The following EEFSEC variants were observed in gnomAD, a reference collection of about 807,000 sequenced individuals.
EEFSEC encodes the protein eukaryotic elongation factor, selenocysteine-tRNA specific.
In EEFSEC, 43 loss-of-function variants were observed where a neutral mutation model predicts 42.1. The observed-to-expected ratio is 1.02, with a 90% CI of 0.80 to 1.32. The LOEUF is 1.32. EEFSEC is among the 40% of genes most tolerant of loss of function. The probability of loss-of-function intolerance (pLI) is 0.00; values close to 1 mark genes in which losing one functional copy is unlikely to be tolerated. For synonymous variants in EEFSEC, 354 were observed against 339.1 expected, an observed-to-expected ratio of 1.04 and a Z score of -0.48; for missense variants, 745 against 803.6, an observed-to-expected ratio of 0.93 and a Z score of 0.88.
intron 1 of EEFSEC, among the ~76,000 whole-genome samples, chr3:128,170,008 G>T (rs1470927282): frequency 6.6e-6 from 1 of 152,152 alleles, no homozygotes; most frequent in Non-Finnish European, 1.5e-5. Context: ...AACAAGTTTG[G>T]CATGGGACTT....
chr3:128,284,433 G>C (rs2066561746), intron 4 of EEFSEC, among the ~76,000 whole-genome samples: 1 of 151,746 alleles, frequency 6.6e-6, no homozygotes, highest in African/African-American at 2.4e-5. Flanking sequence ...GGCCTTGGGG[G>C]CCTGCCCAGT....
intron 4 of EEFSEC, among the ~76,000 whole-genome samples, chr3:128,299,867 A>C (rs1162014002): frequency 6.6e-6 from 1 of 152,236 alleles, no homozygotes; most frequent in Non-Finnish European, 1.5e-5. Flanking sequence ...GAAAAGGCAA[A>C]AATGTCAGGA....
intron 6 of EEFSEC, among the ~76,000 whole-genome samples, chr3:128,379,000 T>C (rs982777632): frequency 6.6e-6 from 1 of 152,020 alleles, no homozygotes; most frequent in African/African-American, 2.4e-5. Context: ...AGGTGAGGGG[T>C]GAAAGTTGAG....
At chr3:128,227,845 C>T (rs74680637) in intron 1 of EEFSEC, among the ~76,000 whole-genome samples, 2 of 152,328 alleles carry the variant, frequency 1.3e-5, no homozygotes, top group East Asian at 1.9e-4. Context: ...TTACTGGGGT[C>T]TTCTCCAAGT....
At chr3:128,327,755 G>C (rs2067081180) in intron 4 of EEFSEC, among the ~76,000 whole-genome samples, 1 of 152,166 alleles carries the variant, frequency 6.6e-6, no homozygotes, top group Admixed American at 6.5e-5. Flanking sequence ...AGGGCACCCG[G>C]AGCCCTGGCA....
intron 4 of EEFSEC, among the ~76,000 whole-genome samples, chr3:128,333,629 CTT>C (rs2108062139): frequency 1.3e-5 from 2 of 152,352 alleles, no homozygotes; most frequent in South Asian, 4.1e-4. Flanking sequence ...GTATCCAACT[CTT>C]TCTCCATCTT....
intron 4 of EEFSEC, among the ~76,000 whole-genome samples, chr3:128,328,121 A>G (rs1388126711): frequency 6.6e-6 from 1 of 152,140 alleles, no homozygotes; most frequent in Non-Finnish European, 1.5e-5. Flanking sequence ...CCCTTAGTCT[A>G]TTGGTGAGGA....
At chr3:128,379,177 G>A (rs1335232717) in intron 6 of EEFSEC, among the ~76,000 whole-genome samples, 2 of 152,202 alleles carry the variant, frequency 1.3e-5, no homozygotes, top group Non-Finnish European at 2.9e-5. Flanking sequence ...CCCAGTGCAG[G>A]AATGCCCTGA....
chr3:128,168,841 G>A (rs1176415441), intron 1 of EEFSEC, among the ~76,000 whole-genome samples: 1 of 152,208 alleles, frequency 6.6e-6, no homozygotes, highest in Non-Finnish European at 1.5e-5. Flanking sequence ...TTGTTCCGTG[G>A]CTTTCTTTGA....
chr3:128,360,543 C>T (rs545662925), intron 6 of EEFSEC, among the ~76,000 whole-genome samples: 1 of 152,334 alleles, frequency 6.6e-6, no homozygotes, highest in African/African-American at 2.4e-5. Flanking sequence ...CTCCCCTGAG[C>T]TCCCTTCCTG....
intron 6 of EEFSEC, among the ~76,000 whole-genome samples, chr3:128,378,806 G>A (rs779455346): frequency 2.0e-5 from 3 of 152,166 alleles, no homozygotes; most frequent in East Asian, 3.9e-4. Context: ...TCCCACTCCC[G>A]TCCCACAGGG....
At position 128,374,824 on chromosome 3, in the gene EEFSEC, C is replaced by A. The variant is rs79213946; in HGVS notation, c.1600+16451C>A. Among the ~76,000 whole-genome samples the A allele has an allele frequency of 9.2e-5, 14 of 152,300 alleles. No individual in the cohort carries two copies. In the East Asian group the frequency reaches 2.7e-3, roughly 29 times the overall value. On this transcript the variant is annotated intron_variant, in intron 6 of 6. Coordinates refer to ENST00000254730, the MANE Select transcript of EEFSEC (RefSeq NM_021937.5). Reference sequence around the variant, plus strand: ...AATTGCCATTTTGCAAATGAGGAAACAGAAGCACAGAGAGGTAAAGGAAAG... The same window carrying A: ...AATTGCCATTTTGCAAATGAGGAAAAAGAAGCACAGAGAGGTAAAGGAAAG...
rs199498726 is a variant in EEFSEC, at chr3:128,228,107, ACCT to A, written c.317-18727_317-18725del. ...AATTGAACAGGCCCGGTCATCTCTG[ACCT>A]CTCAGTGCTTTTCATTCACTTCATA... On this transcript the variant is annotated intron_variant, in intron 1 of 6. Coordinates refer to ENST00000254730, the MANE Select transcript of EEFSEC (RefSeq NM_021937.5). Among the ~76,000 whole-genome samples, 3,457 of 152,102 alleles carry A rather than the reference ACCT, an allele frequency of 0.023. 385 individuals are homozygous for A. In the East Asian group the frequency reaches 0.36, roughly 16 times the overall value.
intron 1 of EEFSEC, among the ~76,000 whole-genome samples, chr3:128,164,088 A>T (rs952152725): frequency 1.3e-5 from 2 of 152,152 alleles, no homozygotes; most frequent in Non-Finnish European, 2.9e-5. Flanking sequence ...TGCCTGGCCC[A>T]TGGAGACATT....
chr3:128,419,148 C>G, the EEFSEC span, among the ~76,000 whole-genome samples: 2 of 152,142 alleles, frequency 1.3e-5, no homozygotes, highest in Non-Finnish European at 2.9e-5. Context: ...CCAGCTGCCA[C>G]GTCTATTAAA....
chr3:128,378,894 A>G (rs1009141998), intron 6 of EEFSEC, among the ~76,000 whole-genome samples: 1 of 152,168 alleles, frequency 6.6e-6, no homozygotes, highest in Non-Finnish European at 1.5e-5. Context: ...TCCACAGGCA[A>G]TCCTGGGCAT....
intron 6 of EEFSEC, among the ~76,000 whole-genome samples, chr3:128,398,206 C>T (rs2068005822): frequency 6.6e-6 from 1 of 152,150 alleles, no homozygotes; most frequent in Admixed American, 6.5e-5. Context: ...TGTGGGGGGC[C>T]TTGGCCCTAG....
intron 4 of EEFSEC, among the ~76,000 whole-genome samples, chr3:128,273,180 G>C (rs1331420097): frequency 6.6e-6 from 1 of 152,188 alleles, no homozygotes; most frequent in Non-Finnish European, 1.5e-5. Context: ...GGTGGTCTGA[G>C]CTCTGCATTT....
chr3:128,284,243 G>A (rs369946308), intron 4 of EEFSEC, among the ~76,000 whole-genome samples: 18 of 152,214 alleles, frequency 1.2e-4, no homozygotes, highest in African/African-American at 4.3e-4. Context: ...TTTCTAAAAC[G>A]TATTTCATAC....
Sources: gnomAD v4.1 joint callset for allele counts (sites outside exome capture counted in the v4.1 genomes callset) on GRCh38, gnomAD v4.1.1 for gene constraint, MANE v1.5 for transcripts, NCBI Gene and HGNC (gene_info 2026-07-23, HGNC 2026-07-21) for gene names.